SHTN1: variants seen among roughly 807,000 people sequenced by gnomAD.
The protein encoded by SHTN1 is shootin-1.
Under a neutral mutation model 83.1 loss-of-function variants are expected in SHTN1, and 42 were observed. The ratio of observed to expected loss-of-function variants is 0.51; its 90% CI spans 0.39 to 0.65. The LOEUF (loss-of-function observed/expected upper bound fraction) is 0.65. Ranked by LOEUF, SHTN1 falls within the 30% of genes least tolerant of loss-of-function variation. SHTN1 has a pLI of 0.00. For missense variants in SHTN1, 622 were observed against 737.8 expected (o/e 0.84, Z 1.82); for synonymous variants, 224 against 247.7 (o/e 0.90, Z 0.90).
At chr10:116,971,470 CA>C (rs1850616841) in intron 2 of SHTN1, among the ~76,000 whole-genome samples, 1 of 152,150 alleles carries the variant, frequency 6.6e-6, no homozygotes, top group Non-Finnish European at 1.5e-5. Context: ...AAACGGACTA[CA>C]TTAGACATCA....
chr10:117,049,135 G>T (rs1277191847), intron 1 of SHTN1, among the ~76,000 whole-genome samples: 1 of 152,126 alleles, frequency 6.6e-6, no homozygotes, highest in East Asian at 1.9e-4. Context: ...TATCACAAAA[G>T]AGTGATCAAT....
At chr10:117,037,998 C>CAAAAAA (rs71013632) in intron 2 of SHTN1, among the ~76,000 whole-genome samples, 21 of 75,484 alleles carry the variant, frequency 2.8e-4, no homozygotes, top group African/African-American at 9.7e-4. Context: ...AGCGAGACTT[C>CAAAAAA]AAAAAAAAAA....
chr10:117,041,858 T>C (rs1203648648), intron 2 of SHTN1, among the ~76,000 whole-genome samples: 1 of 152,220 alleles, frequency 6.6e-6, no homozygotes, highest in African/African-American at 2.4e-5. Flanking sequence ...CGAAATCATC[T>C]ACTTAAATTT....
chr10:116,921,666 T>A (rs1848572358), intron 11 of SHTN1, 150 bp from the exon 12 acceptor site: 1 of 563,352 alleles, frequency 1.8e-6, no homozygotes, highest in South Asian at 2.5e-5. Flanking sequence ...AAACTTTTCA[T>A]CACTTTACAG....
chr10:116,895,026 G>A lies in SHTN1; in HGVS notation c.1673+6739C>T, dbSNP rs565136337. Among the ~76,000 whole-genome samples the A allele has an allele frequency of 2.0e-5, 3 of 152,256 alleles. No homozygotes were observed. In the East Asian group the frequency reaches 5.8e-4, roughly 29 times the overall value. On this transcript the variant is annotated intron_variant, in intron 16 of 16. Coordinates refer to ENST00000355371, the MANE Select transcript of SHTN1 (RefSeq NM_001127211.3). ...AATGGATAAACACAAACTCAAAGGT[G>A]TTAACCAGTAATTGACCAAACATGA...
intron 2 of SHTN1, among the ~76,000 whole-genome samples, chr10:117,025,183 T>A (rs2133567497): frequency 6.6e-6 from 1 of 152,276 alleles, no homozygotes; most frequent in South Asian, 2.1e-4. Flanking sequence ...GGAAAAACAG[T>A]CTCGAATCAC....
chr10:116,997,844 G>A (rs961909888), intron 1 of SHTN1, among the ~76,000 whole-genome samples: 6 of 152,166 alleles, frequency 3.9e-5, no homozygotes, highest in African/African-American at 7.2e-5. Flanking sequence ...TGTAAACCCA[G>A]CACTTTGGGA....
intron 1 of SHTN1, among the ~76,000 whole-genome samples, chr10:117,122,503 A>C (rs554675606): frequency 2.1e-4 from 32 of 152,262 alleles, no homozygotes; most frequent in South Asian, 4.1e-4. Context: ...AATATTTTCG[A>C]TCCATAGTTA....
At chr10:116,887,022 G>A (rs143255287) in intron 16 of SHTN1, among the ~76,000 whole-genome samples, 247 of 152,174 alleles carry the variant, frequency 1.6e-3, no homozygotes, top group Middle Eastern at 6.8e-3. Context: ...AGGGACAAGG[G>A]GAGTAATCAC....
intron 1 of SHTN1, among the ~76,000 whole-genome samples, chr10:117,101,112 T>A (rs540713776): frequency 8.3e-4 from 62 of 74,866 alleles, no homozygotes; most frequent in African/African-American, 1.9e-3. Context: ...ATTAAATGGA[T>A]AGAAGAGAAG....
At chr10:117,056,223 T>C (rs1852825172) in intron 1 of SHTN1, among the ~76,000 whole-genome samples, 1 of 152,242 alleles carries the variant, frequency 6.6e-6, no homozygotes, top group African/African-American at 2.4e-5. Context: ...TGTATGAGGT[T>C]AGTATTACCC....
At chr10:116,977,662 C>CTG (rs750351561) in intron 2 of SHTN1, among the ~76,000 whole-genome samples, 81,601 of 147,588 alleles carry the variant, frequency 0.55, 23,746 homozygotes, top group Non-Finnish European at 0.65. Context: ...CTTTCTTACT[C>CTG]TGTGTGTGTG....
intron 2 of SHTN1, among the ~76,000 whole-genome samples, chr10:117,022,665 A>C (rs557729294): frequency 1.3e-5 from 2 of 152,342 alleles, no homozygotes; most frequent in South Asian, 2.1e-4. Flanking sequence ...TCATGCCTAT[A>C]ATCCCAGTAC....
chr10:117,112,028 C>T lies in SHTN1; in HGVS notation c.-189+14279G>A, dbSNP rs1306282897. 2.6e-5 allele frequency among the ~76,000 whole-genome samples: 4 copies of T among 152,236 alleles called. No individual in the cohort carries two copies. In the East Asian group the frequency reaches 5.8e-4, roughly 22 times the overall value. On this transcript the variant is annotated intron_variant, in intron 1 of 17. Coordinates refer to the SHTN1 transcript ENST00000392901. ...TCACCCAGGCTGGAGTCCAGTGGCACGCTCTCTGCTCACTGCAACCTCTGC... is the reference window on the plus strand; with the variant it reads ...TCACCCAGGCTGGAGTCCAGTGGCATGCTCTCTGCTCACTGCAACCTCTGC...
At chr10:117,077,901 TCAG>T (rs1329831067) in intron 1 of SHTN1, among the ~76,000 whole-genome samples, 5 of 152,138 alleles carry the variant, frequency 3.3e-5, no homozygotes, top group African/African-American at 7.2e-5. Flanking sequence ...CCCAAATAAA[TCAG>T]CAGTTTACAA....
chr10:117,108,563 G>T (rs1187024595), intron 1 of SHTN1, among the ~76,000 whole-genome samples: 22 of 118,684 alleles, frequency 1.9e-4, no homozygotes, highest in East Asian at 6.0e-4. Context: ...GTCGTGGGGT[G>T]GGGGGAGGGG....
chr10:117,123,574 T>C (rs7906963), intron 1 of SHTN1, among the ~76,000 whole-genome samples: 152,239 of 152,264 alleles, frequency 1, 76,107 homozygotes, highest in Non-Finnish European at 1. Flanking sequence ...TTTTGCATGC[T>C]TGATTACTGT....
chr10:116,889,231 C>T (rs1476733140), intron 16 of SHTN1, among the ~76,000 whole-genome samples: 3 of 152,194 alleles, frequency 2.0e-5, no homozygotes, highest in South Asian at 2.1e-4. Context: ...GCTCTCTGGG[C>T]TCCACAGCAG....
chr10:117,005,502 CGT>C (rs973011749), upstream of SHTN1: 18 of 1,012,660 alleles, frequency 1.8e-5, no homozygotes, highest in African/African-American at 3.0e-4. Context: ...GGGTTCGCAG[CGT>C]GTGTGGGAAC....
Sources: allele counts gnomAD v4.1 joint callset (sites outside exome capture counted in the v4.1 genomes callset), GRCh38; gene constraint gnomAD v4.1.1; transcripts MANE v1.5; gene names NCBI Gene and HGNC (gene_info 2026-07-23, HGNC 2026-07-21).